Variants in SDK1 observed in about 807,000 individuals in gnomAD.
The protein encoded by SDK1 is sidekick cell adhesion molecule 1.
A neutral mutation model predicts 245.5 loss-of-function variants in SDK1; 157 were observed. The ratio of observed to expected loss-of-function variants is 0.64; its 90% confidence interval spans 0.56 to 0.73. SDK1 has a LOEUF of 0.73. SDK1 is among the 30% of genes least tolerant of loss of function. The pLI is 0.00. For missense variants in SDK1, 3,583 were observed against 3,002.3 expected, an observed-to-expected ratio of 1.19 and a Z score of -4.52; for synonymous variants, 1,647 against 1,278.5, an observed-to-expected ratio of 1.29 and a Z score of -6.15.
intron 9 of SDK1, among the ~76,000 whole-genome samples, chr7:3,966,274 G>A (rs1442308158): frequency 6.6e-6 from 1 of 152,164 alleles, no homozygotes; most frequent in Non-Finnish European, 1.5e-5. Context: ...ATTCTCAGCA[G>A]GTGCAGGCAG....
chr7:3,683,209 T>C (rs188242308), intron 4 of SDK1, among the ~76,000 whole-genome samples: 57 of 152,248 alleles, frequency 3.7e-4, no homozygotes, highest in Middle Eastern at 3.4e-3. Context: ...GCTACATGAG[T>C]GTATAGCTTT....
At chr7:4,073,490 C>T (rs148021254) in intron 20 of SDK1, among the ~76,000 whole-genome samples, 3 of 152,304 alleles carry the variant, frequency 2.0e-5, no homozygotes, top group East Asian at 3.9e-4. Flanking sequence ...CTGGAATTGC[C>T]GTGTTTCAGC....
intron 5 of SDK1, among the ~76,000 whole-genome samples, chr7:3,934,505 C>T (rs1229634079): frequency 6.6e-6 from 1 of 152,260 alleles, no homozygotes; most frequent in Non-Finnish European, 1.5e-5. Flanking sequence ...TGAAAATGTG[C>T]ATGCAAAATT....
At chr7:4,102,736 C>G (rs1367453793) in intron 22 of SDK1, among the ~76,000 whole-genome samples, 2 of 152,046 alleles carry the variant, frequency 1.3e-5, no homozygotes, top group East Asian at 1.9e-4. Context: ...ACAAACAGAC[C>G]AAGCCTCCTG....
chr7:3,946,840 T>C (rs1361926217), intron 5 of SDK1, among the ~76,000 whole-genome samples: 1 of 152,150 alleles, frequency 6.6e-6, no homozygotes, highest in African/African-American at 2.4e-5. Flanking sequence ...GCTGGGTAGA[T>C]TGCCTTCATG....
At chr7:4,082,222 G>A (rs577410658) in intron 22 of SDK1, among the ~76,000 whole-genome samples, 2 of 152,200 alleles carry the variant, frequency 1.3e-5, no homozygotes, top group East Asian at 3.9e-4. Context: ...TCGTCTGTGA[G>A]CTTGCCTGTA....
chr7:3,791,404 C>T (rs1781085137), intron 4 of SDK1, among the ~76,000 whole-genome samples: 1 of 152,168 alleles, frequency 6.6e-6, no homozygotes, highest in Non-Finnish European at 1.5e-5. Flanking sequence ...TCATATGGAC[C>T]AGCTCATCAT....
intron 40 of SDK1, chr7:4,232,954 A>G (rs181424152): frequency 1.5e-4 from 36 of 244,814 alleles, no homozygotes; most frequent in African/African-American, 7.2e-4. Flanking sequence ...TAAATCATAC[A>G]TACATATATT....
At chr7:3,577,423 A>C (rs1330958399) in intron 1 of SDK1, among the ~76,000 whole-genome samples, 1 of 151,990 alleles carries the variant, frequency 6.6e-6, no homozygotes, top group Non-Finnish European at 1.5e-5. Context: ...GCAGGTCTTC[A>C]CTGAGACGTG....
intron 14 of SDK1, among the ~76,000 whole-genome samples, chr7:3,995,654 G>A (rs538173621): frequency 2.0e-4 from 31 of 152,288 alleles, no homozygotes; most frequent in Non-Finnish European, 3.5e-4. Context: ...CTTCATTCAG[G>A]AGGTTGAGGG....
At chr7:3,781,873 A>C (rs1263832711) in intron 4 of SDK1, among the ~76,000 whole-genome samples, 1 of 152,216 alleles carries the variant, frequency 6.6e-6, no homozygotes, top group African/African-American at 2.4e-5. Flanking sequence ...AGAAGAGCAA[A>C]AAGATAAAAG....
At chr7:3,634,248 T>C (rs1782388819) in intron 2 of SDK1, among the ~76,000 whole-genome samples, 1 of 152,140 alleles carries the variant, frequency 6.6e-6, no homozygotes, top group Admixed American at 6.5e-5. Context: ...CTAGGTAGAC[T>C]GAAAATGTCA....
At chr7:4,159,195 C>G (rs1421087771) in intron 31 of SDK1, among the ~76,000 whole-genome samples, 1 of 152,228 alleles carries the variant, frequency 6.6e-6, no homozygotes. Context: ...CAACCTATCC[C>G]CAAAGCACTG....
At chr7:4,150,101 C>T (rs1780258766) in intron 30 of SDK1, among the ~76,000 whole-genome samples, 1 of 152,158 alleles carries the variant, frequency 6.6e-6, no homozygotes, top group Admixed American at 6.5e-5. Flanking sequence ...TACAGACCCA[C>T]CCACTCTTTA....
intron 1 of SDK1, among the ~76,000 whole-genome samples, chr7:3,568,054 C>G (rs1779984180): frequency 2.0e-5 from 3 of 152,134 alleles, no homozygotes; most frequent in Non-Finnish European, 2.9e-5. Flanking sequence ...CTCCTGAGCT[C>G]AAGCAATCCT....
intron 5 of SDK1, among the ~76,000 whole-genome samples, chr7:3,927,701 A>C (rs1439416666): frequency 6.6e-6 from 1 of 152,244 alleles, no homozygotes; most frequent in Non-Finnish European, 1.5e-5. Flanking sequence ...GTTTGCCTGA[A>C]CATACTTTGG....
intron 5 of SDK1, among the ~76,000 whole-genome samples, chr7:3,856,006 G>A (rs1780536175): frequency 1.3e-5 from 2 of 152,168 alleles, no homozygotes; most frequent in Admixed American, 6.5e-5. Context: ...GAAACTTACT[G>A]TTAAATCTAA....
intron 2 of SDK1, among the ~76,000 whole-genome samples, chr7:3,637,087 G>GC (rs1491553371): frequency 1.4e-5 from 2 of 138,660 alleles, no homozygotes; most frequent in East Asian, 4.5e-4. Flanking sequence ...GCGTGCGCGC[G>GC]TGTGTGTGTG....
intron 1 of SDK1, among the ~76,000 whole-genome samples, chr7:3,582,259 C>T (rs1442371462): frequency 8.7e-4 from 113 of 130,184 alleles, no homozygotes; most frequent in African/African-American, 2.7e-3. Context: ...GGTAGGTCTG[C>T]CTCAGGTAGG....
Sources: allele counts gnomAD v4.1 joint callset (sites outside exome capture counted in the v4.1 genomes callset), GRCh38; gene constraint gnomAD v4.1.1; transcripts MANE v1.5; gene names NCBI Gene and HGNC (gene_info 2026-07-23, HGNC 2026-07-21).